The following SERPINA10 variants were observed in gnomAD, a reference collection of about 807,000 sequenced individuals.
The protein encoded by SERPINA10 is serpin family A member 10.
In SERPINA10, 24 loss-of-function variants were observed where a neutral mutation model predicts 28.0. The observed-to-expected ratio is 0.86, with a 90% CI of 0.62 to 1.20. SERPINA10 has a LOEUF of 1.20. Ranked by LOEUF, SERPINA10 falls within the 50% of genes most tolerant of loss-of-function variation. The probability of loss-of-function intolerance (pLI) is 0.00; values close to 1 mark genes in which losing one functional copy is unlikely to be tolerated. For missense variants in SERPINA10, 521 were observed against 537.7 expected (o/e 0.97, Z 0.31); for synonymous variants, 207 against 203.9 (o/e 1.02, Z -0.13).
intron 1 of SERPINA10, chr14:94,292,564 C>T (rs1895205551): frequency 1.4e-6 from 1 of 701,102 alleles, no homozygotes; most frequent in East Asian, 2.7e-5. Context: ...GAAATTAGCC[C>T]AGCACGCCAA....
Position 94,290,197 on chromosome 14 carries a change from G to C in SERPINA10, c.397C>G (p.Leu133Val). ...QIKRGLHLQA[L>V]KPTKPGLLPS... ...AGGAGCCCGGGCTTGGTGGGCTTCA[G>C]GGCCTGCAAGTGGAGCCCTCTCTTG... is the stretch of plus-strand genomic sequence containing the variant. The change falls in exon 2 of 5, where the codon CTG (leucine) becomes GTG (valine). Residue 133 changes from leucine to valine, a missense_variant. Coordinates refer to ENST00000261994, the MANE Select transcript of SERPINA10 (RefSeq NM_001100607.3). The C allele has an allele frequency of 1.9e-6, 3 of 1,613,794 alleles. No individual in the cohort carries two copies. Among genetic ancestry groups the C allele is most frequent in the Non-Finnish European group, 2.5e-6 (3 of 1,179,760 alleles).
Position 94,288,504 on chromosome 14 carries a change from C to T in SERPINA10, c.774G>A (p.Leu258=). The change falls in exon 3 of 5, where the codon CTG becomes CTA. Residue 258 remains leucine, a synonymous_variant. Transcript: ENST00000261994. The stretch of plus-strand genomic sequence containing the variant: ...GCACCTTAATGGTCTTGTACTTGTC[C>T]AGGTGGAAAGTGTCGACTTCGGTGA... ...PVFTEVDTFH[L]DKYKTIKVPM... 6.2e-7 allele frequency: 1 copy of T among 1,614,158 alleles called. No individual in the cohort carries two copies. Among genetic ancestry groups the T allele is most frequent in the Non-Finnish European group, 8.5e-7 (1 of 1,180,034 alleles).
rs764317447 is a variant in SERPINA10, at chr14:94,290,061, A to G, written c.533T>C (p.Phe178Ser). 6.2e-7 allele frequency: 1 copy of G among 1,614,236 alleles called. No homozygotes were observed. Among genetic ancestry groups the G allele is most frequent in the Non-Finnish European group, 8.5e-7 (1 of 1,180,040 alleles). Residue 178 changes from phenylalanine (F) to serine (S), a missense_variant, in exon 2 of 5, where the codon TTC becomes TCC. Physicochemically the swap from Phe to Ser is radical, Grantham distance 155. Transcript: ENST00000261994. ...AAAATACCTCTTGGATAAATTGAAG[A>G]AAGTCTCTTTGACATCAAAATCCTT... ...IHKDFDVKET[F>S]FNLSKRYFDT...
chr14:94,284,699 T>C (rs553815985), intron 4 of SERPINA10, among the ~76,000 whole-genome samples: 2 of 152,344 alleles, frequency 1.3e-5, no homozygotes, highest in African/African-American at 4.8e-5. Flanking sequence ...ATACTGTGGC[T>C]GCTTGCTATG....
chr14:94,290,053 A>C lies in SERPINA10; in HGVS notation c.541T>G (p.Leu181Val). 2 of 1,614,228 alleles carry C rather than the reference A, an allele frequency of 1.2e-6. No homozygotes were observed. The highest frequency in any genetic ancestry group is 1.7e-6 in the Non-Finnish European group (2 of 1,180,038). ...TCTGTATCAAAATACCTCTTGGATA[A>C]ATTGAAGAAAGTCTCTTTGACATCA... ...DFDVKETFFNLSKRYFDTECV... is the reference protein window; with the variant it reads ...DFDVKETFFNVSKRYFDTECV... Residue 181 changes from leucine (L) to valine (V), a missense_variant, in exon 2 of 5, where the codon TTA becomes GTA. Physicochemically the swap from Leu to Val is conservative, Grantham distance 32 (BLOSUM62 1). Transcript: ENST00000261994.
At position 94,288,565 on chromosome 14, in the gene SERPINA10, C is replaced by A. The variant is rs201891280; in HGVS notation, c.719-6G>T. ...AAATGGGGTCAACCATTTCCCTGAA[C>A]AAGTAAGAGAAGAACTCATTGCAGA... On this transcript the variant is annotated splice_polypyrimidine_tract_variant and splice_region_variant and intron_variant, in intron 2 of 4. Coordinates refer to ENST00000261994, the MANE Select transcript of SERPINA10 (RefSeq NM_001100607.3). 18 of 1,614,186 alleles carry A rather than the reference C, an allele frequency of 1.1e-5. No homozygotes were observed. In the East Asian group the frequency reaches 2.2e-4, roughly 20 times the overall value.
chr14:94,287,569 A>C (rs1425106672), intron 3 of SERPINA10, among the ~76,000 whole-genome samples: 1 of 152,146 alleles, frequency 6.6e-6, no homozygotes, highest in African/African-American at 2.4e-5. Context: ...TTTTCTCAAC[A>C]CAGGAGCTTA....
chr14:94,286,235 T>G lies in SERPINA10; in HGVS notation c.1016A>C (p.Lys339Thr). ...KTRNMEVFFP[K>T]FKLDQKYEMH... is the part of the protein sequence containing the mutation. ...CTCATACTTCTGATCTAGCTTGAAC[T>G]TCGGAAAGAAAACTTCCATGTTTCT... is the stretch of plus-strand genomic sequence containing the variant. The change falls in exon 4 of 5, where the codon AAG becomes ACG. Residue 339 changes from lysine to threonine, a missense_variant. Transcript: ENST00000261994. The G allele has an allele frequency of 6.2e-7, 1 of 1,614,078 alleles. No homozygotes were observed. The highest frequency in any genetic ancestry group is 2.2e-5 in the East Asian group (1 of 44,870).
In SERPINA10 at chr14:94,290,559, A is replaced by G. The variant is rs1168089679; in HGVS notation, c.35T>C (p.Leu12Pro). ...KVVPSLLLSV[L>P]LAQVWLVPGL... Reference sequence around the variant, plus strand: ...GGGTACCAGCCACACCTGTGCCAGGAGGACGGAGAGCAGGAGACTTGGCAC... The same window carrying G: ...GGGTACCAGCCACACCTGTGCCAGGGGGACGGAGAGCAGGAGACTTGGCAC... The change falls in exon 2 of 5, where the codon CTC becomes CCC. Residue 12 changes from leucine (L) to proline (P), a missense_variant. Physicochemically the swap from Leu to Pro is moderately conservative, Grantham distance 98. Coordinates refer to ENST00000261994, the MANE Select transcript of SERPINA10 (RefSeq NM_001100607.3). 3 of 1,613,728 alleles carry G rather than the reference A, an allele frequency of 1.9e-6. No individual in the cohort carries two copies. Among genetic ancestry groups the G allele is most frequent in the Non-Finnish European group, 2.5e-6 (3 of 1,179,912 alleles).
chr14:94,291,886 C>T (rs2139703099), intron 1 of SERPINA10, among the ~76,000 whole-genome samples: 1 of 152,332 alleles, frequency 6.6e-6, no homozygotes, highest in African/African-American at 2.4e-5. Context: ...CTGAATGGCA[C>T]CCCGGAATTC....
At chr14:94,292,300 C>T (rs528893411) in intron 1 of SERPINA10, among the ~76,000 whole-genome samples, 4 of 152,052 alleles carry the variant, frequency 2.6e-5, no homozygotes, top group African/African-American at 7.2e-5. Context: ...TGGGAGGACA[C>T]GGTGCGAAGG....
At chr14:94,292,678 T>C (rs1258171994) in intron 1 of SERPINA10, 1 of 701,910 alleles carries the variant, frequency 1.4e-6, no homozygotes, top group Non-Finnish European at 2.6e-6. Flanking sequence ...CTCCTGGACA[T>C]ATATCGCCTA....
intron 1 of SERPINA10, 56 bp from the exon 2 acceptor site, chr14:94,290,699 A>T: frequency 1.3e-6 from 2 of 1,539,568 alleles, no homozygotes; most frequent in Non-Finnish European, 1.7e-6. Flanking sequence ...GTCTTTGTGG[A>T]TAGTAAAAGC....
intron 3 of SERPINA10, among the ~76,000 whole-genome samples, chr14:94,287,678 G>A (rs1410176325): frequency 6.6e-6 from 1 of 152,144 alleles, no homozygotes; most frequent in Non-Finnish European, 1.5e-5. Flanking sequence ...AGTCTTTTCT[G>A]GGGACTGGGC....
Position 94,289,916 on chromosome 14 carries a change from A to G in SERPINA10, c.678T>C (p.Pro226=). The change falls in exon 2 of 5, where the codon CCT becomes CCC. Residue 226 remains proline, a synonymous_variant. Transcript: ENST00000261994. ...KIPKLFDEIN[P]ETKLILVDYI... The stretch of plus-strand genomic sequence containing the variant: ...AATCCACAAGAATTAATTTGGTTTC[A>G]GGATTAATCTCATCAAACAGTTTGG... The G allele has an allele frequency of 2.5e-6, 4 of 1,614,080 alleles. No individual in the cohort carries two copies. The highest frequency in any genetic ancestry group is 3.4e-6 in the Non-Finnish European group (4 of 1,179,934).
intron 1 of SERPINA10, among the ~76,000 whole-genome samples, chr14:94,291,846 C>T (rs957859017): frequency 2.0e-5 from 3 of 152,256 alleles, no homozygotes; most frequent in African/African-American, 7.2e-5. Flanking sequence ...CCTCCAGCGC[C>T]AGGGCCCAGC....
intron 1 of SERPINA10, 108 bp downstream of exon 1, chr14:94,293,081 T>C: frequency 5.3e-6 from 1 of 188,278 alleles, no homozygotes; most frequent in East Asian, 1.2e-4. Flanking sequence ...TTTGCACTGC[T>C]CAGCCACACA....
Position 94,288,473 on chromosome 14 carries a change from T to C in SERPINA10, c.805A>G (p.Met269Val). 6.2e-7 allele frequency: 1 copy of C among 1,614,124 alleles called. No homozygotes were observed. The highest frequency in any genetic ancestry group is 8.5e-7 in the Non-Finnish European group (1 of 1,180,010). Reference protein sequence around the residue: ...DKYKTIKVPMMYGAGKFASTF... With the variant: ...DKYKTIKVPMVYGAGKFASTF... ...GAGGCAAACTTGCCTGCACCGTACATCATGGGCACCTTAATGGTCTTGTAC... is the reference window on the plus strand; with the variant it reads ...GAGGCAAACTTGCCTGCACCGTACACCATGGGCACCTTAATGGTCTTGTAC... Residue 269 changes from methionine to valine, a missense_variant, in exon 3 of 5, where the codon ATG becomes GTG. Transcript: ENST00000261994.
Position 94,281,868 on chromosome 14 carries a change from G to C in SERPINA10, c.*2097C>G, listed in dbSNP as rs2139687580. On this transcript the variant is annotated 3_prime_UTR_variant, in exon 5 of 5. Coordinates refer to ENST00000261994, the MANE Select transcript of SERPINA10 (RefSeq NM_001100607.3). ...CCATATTGATTTCAGTGAGTATTGTGCTCTCACAGACTTATTTTTCCAGAT... is the reference window on the plus strand; with the variant it reads ...CCATATTGATTTCAGTGAGTATTGTCCTCTCACAGACTTATTTTTCCAGAT... The C allele has an allele frequency of 6.6e-6, 1 of 152,414 alleles. No homozygotes were observed. Among genetic ancestry groups the C allele is most frequent in the East Asian group, 1.9e-4 (1 of 5,168 alleles). 9.4% of individuals were successfully genotyped at this position (152,414 alleles called of 1,614,324 possible).
Sources: allele counts gnomAD v4.1 joint callset (sites outside exome capture counted in the v4.1 genomes callset), GRCh38; gene constraint gnomAD v4.1.1; transcripts MANE v1.5; gene names NCBI Gene and HGNC (gene_info 2026-07-23, HGNC 2026-07-21).